Variants in HEATR5B observed in about 807,000 individuals in gnomAD.
HEATR5B encodes HEAT repeat-containing protein 5B.
Under a neutral mutation model 224.1 loss-of-function variants are expected in HEATR5B, and 156 were observed. The ratio of observed to expected loss-of-function variants is 0.70; its 90% CI spans 0.61 to 0.80. The LOEUF (loss-of-function observed/expected upper bound fraction) is 0.80, where lower values mean the gene tolerates loss of function less well. Among genes scored for constraint, HEATR5B ranks in the 30% least tolerant of loss-of-function variants. The probability of loss-of-function intolerance (pLI) is 0.00; values close to 1 mark genes in which losing one functional copy is unlikely to be tolerated. For synonymous variants in HEATR5B, 1,027 were observed against 893.0 expected (o/e 1.15, Z -2.68); for missense variants, 2,323 against 2,535.5 (o/e 0.92, Z 1.80).
chr2:37,051,234 T>C (rs1489298212), intron 17 of HEATR5B, among the ~76,000 whole-genome samples: 4 of 149,476 alleles, frequency 2.7e-5, no homozygotes. Flanking sequence ...CGCGTGCCTA[T>C]AATCTCAGCT....
chr2:37,050,627 G>T (rs1254248196), intron 17 of HEATR5B, among the ~76,000 whole-genome samples: 1 of 152,140 alleles, frequency 6.6e-6, no homozygotes, highest in Non-Finnish European at 1.5e-5. Flanking sequence ...GCAAATATTT[G>T]GAAAGAGGAT....
rs562659255 is a variant in HEATR5B, at chr2:36,993,586, C to T, written c.5546-2787G>A. On this transcript the variant is annotated intron_variant, in intron 33 of 35. Coordinates refer to ENST00000233099, the MANE Select transcript of HEATR5B (RefSeq NM_019024.3). ...AGAAAGTTTGATGGGAACAGACAAGCGAGAAAGTCTCAAAGTATTTCCCCA... is the reference window on the plus strand; with the variant it reads ...AGAAAGTTTGATGGGAACAGACAAGTGAGAAAGTCTCAAAGTATTTCCCCA... 2.0e-5 allele frequency among the ~76,000 whole-genome samples: 3 copies of T among 150,438 alleles called. No homozygotes were observed. In the East Asian group the frequency reaches 5.8e-4, roughly 29 times the overall value.
At chr2:37,051,629 C>T (rs1039537087) in intron 17 of HEATR5B, among the ~76,000 whole-genome samples, 9 of 152,192 alleles carry the variant, frequency 5.9e-5, no homozygotes, top group Non-Finnish European at 1.2e-4. Context: ...AAGGAGACCA[C>T]GACCACCCCA....
rs763219138 is a variant in HEATR5B at position 37,068,728 on chromosome 2, G to C, written c.1130C>G (p.Ala377Gly). ...SLLGEKAQIA[A>G]AKEICQAIGK... ...AATAGCTTGGCAGATTTCTTTGGCA[G>C]CTGCAATCTGGGCTTTTTCACCTAG... The change falls in exon 8 of 36, where the codon GCT (alanine) becomes GGT (glycine). Residue 377 changes from alanine (A) to glycine (G), a missense_variant. Ala to Gly is a moderately conservative substitution (Grantham distance 60). Around this residue, in one of 12 missense-constraint regions of HEATR5B, gnomAD observed 502 missense variants for 517.8 expected, o/e 0.97. Coordinates refer to ENST00000233099, the MANE Select transcript of HEATR5B (RefSeq NM_019024.3). The C allele has an allele frequency of 6.2e-7, 1 of 1,614,098 alleles. No individual in the cohort carries two copies. The highest frequency in any genetic ancestry group is 8.5e-7 in the Non-Finnish European group (1 of 1,180,000).
chr2:37,016,656 T>C (rs1030856103), intron 26 of HEATR5B, among the ~76,000 whole-genome samples: 4 of 152,198 alleles, frequency 2.6e-5, no homozygotes, highest in African/African-American at 9.6e-5. Flanking sequence ...TTAGTACAAG[T>C]CAGCTCAGGT....
At chr2:37,041,519 G>A (rs903211859) in intron 18 of HEATR5B, among the ~76,000 whole-genome samples, 2 of 152,160 alleles carry the variant, frequency 1.3e-5, no homozygotes, top group Non-Finnish European at 2.9e-5. Context: ...GCTGAGGCCG[G>A]TGGATCACTT....
chr2:37,038,026 TG>T lies in HEATR5B; in HGVS notation c.3047-3del. The T allele has an allele frequency of 1.4e-6, 2 of 1,478,024 alleles. No individual in the cohort carries two copies. Among genetic ancestry groups the T allele is most frequent in the African/African-American group, 1.4e-5 (1 of 70,576 alleles). The allele number at this position is 1,478,024 out of a possible 1,614,324, so 91.6% of individuals were successfully genotyped here. On this transcript the variant is annotated splice_polypyrimidine_tract_variant and splice_region_variant and intron_variant, in intron 20 of 35. Transcript: ENST00000233099. ...TTGTAGAAGTTGTTGCTCCATTCCC[TG>T]GTGCAAAATGAAAGAAAATATAAAA...
chr2:37,023,161 A>C (rs549844966), intron 24 of HEATR5B, among the ~76,000 whole-genome samples: 2 of 152,348 alleles, frequency 1.3e-5, no homozygotes, highest in African/African-American at 4.8e-5. Context: ...ATAAAGTAAA[A>C]TATCTGAAAT....
At chr2:37,054,918 T>C (rs1670807933) in intron 16 of HEATR5B, among the ~76,000 whole-genome samples, 1 of 152,226 alleles carries the variant, frequency 6.6e-6, no homozygotes, top group South Asian at 2.1e-4. Context: ...AAAATCTCCC[T>C]GAGGTCGCTG....
intron 26 of HEATR5B, among the ~76,000 whole-genome samples, chr2:37,016,489 A>G (rs1668126683): frequency 6.6e-6 from 1 of 152,156 alleles, no homozygotes; most frequent in Admixed American, 6.6e-5. Flanking sequence ...AAAAGGTAAT[A>G]AGGTACCTGA....
chr2:37,075,918 A>G, intron 4 of HEATR5B: 1 of 195,566 alleles, frequency 5.1e-6, no homozygotes, highest in South Asian at 1.8e-4. Context: ...GAAGAGATTC[A>G]AAAGCTTCAA....
At chr2:37,056,233 A>T (rs753590803) in intron 16 of HEATR5B, among the ~76,000 whole-genome samples, 3 of 152,304 alleles carry the variant, frequency 2.0e-5, no homozygotes, top group Middle Eastern at 3.4e-3. Context: ...ACAGGGTCAA[A>T]TCTTACATAA....
At chr2:37,038,474 A>C (rs1669656846) in intron 20 of HEATR5B, among the ~76,000 whole-genome samples, 2 of 152,198 alleles carry the variant, frequency 1.3e-5, no homozygotes, top group South Asian at 4.1e-4. Context: ...TAAGGAAATC[A>C]TAAAAATCAC....
intron 21 of HEATR5B, among the ~76,000 whole-genome samples, chr2:37,037,569 A>G (rs1248732620): frequency 6.6e-6 from 1 of 152,206 alleles, no homozygotes; most frequent in Non-Finnish European, 1.5e-5. Flanking sequence ...AAAACAAACA[A>G]AAGATCTAGT....
At chr2:37,083,215 T>G in intron 2 of HEATR5B, 74 bp downstream of exon 2, 10 of 1,535,864 alleles carry the variant, frequency 6.5e-6, no homozygotes, top group Non-Finnish European at 9.0e-6. Flanking sequence ...AAACATAACA[T>G]GTGTTTTCTT....
chr2:37,071,118 C>T (rs1349475257), intron 6 of HEATR5B, among the ~76,000 whole-genome samples: 1 of 148,342 alleles, frequency 6.7e-6, no homozygotes, highest in Non-Finnish European at 1.5e-5. Flanking sequence ...ATAGTTAGCA[C>T]TTTAAAACAT....
rs367637977 is a variant in HEATR5B, at chr2:37,053,701, C to G, written c.2400-94G>C. ...AGAAGAGTACAAGTTAATTGTTTAG[C>G]AAATAATTCCCCATGCTATCTCTTT... On this transcript the variant is annotated intron_variant, in intron 16 of 35. Transcript: ENST00000233099. 4.9e-5 allele frequency: 30 copies of G among 615,714 alleles called. No homozygotes were observed. In the South Asian group the frequency reaches 7.0e-4, roughly 14 times the overall value. 38.1% of individuals were successfully genotyped at this position (615,714 alleles called of 1,614,324 possible). A position where few individuals can be genotyped will look rare whatever the true frequency, so the allele number is the denominator to read the frequency against.
chr2:37,016,273 C>T (rs923893389), intron 26 of HEATR5B, among the ~76,000 whole-genome samples: 5 of 152,056 alleles, frequency 3.3e-5, no homozygotes, highest in South Asian at 2.1e-4. Context: ...ACACCAGGCC[C>T]GGCTAATTTT....
chr2:36,984,068 C>A (rs1372835261), intron 35 of HEATR5B, among the ~76,000 whole-genome samples: 1 of 149,302 alleles, frequency 6.7e-6, no homozygotes, highest in Non-Finnish European at 1.5e-5. Flanking sequence ...GACGTGGTGG[C>A]AGGCGCCTGT....
Sources: allele counts gnomAD v4.1 joint callset (sites outside exome capture counted in the v4.1 genomes callset), GRCh38; gene constraint gnomAD v4.1.1; regional missense constraint gnomAD v4.1.1; transcripts MANE v1.5; gene names NCBI Gene and HGNC (gene_info 2026-07-23, HGNC 2026-07-21).